Variants in PIEZO2 observed in about 807,000 individuals in gnomAD.
PIEZO2 encodes piezo-type mechanosensitive ion channel component 2.
Under a neutral mutation model 337.3 loss-of-function variants are expected in PIEZO2, and 172 were observed. The observed-to-expected ratio is 0.51, with a 90% CI of 0.45 to 0.58. The LOEUF (loss-of-function observed/expected upper bound fraction) is 0.58. PIEZO2 is among the 20% of genes least tolerant of loss of function. The pLI, the probability that PIEZO2 is intolerant of heterozygous loss-of-function variation, is 0.00. For synonymous variants in PIEZO2, 1,251 were observed against 1,228.5 expected (o/e 1.02, Z -0.38); for missense variants, 3,028 against 3,391.3 (o/e 0.89, Z 2.66).
intron 1 of PIEZO2, among the ~76,000 whole-genome samples, chr18:11,098,708 G>A (rs1026857238): frequency 7.9e-5 from 12 of 151,542 alleles, no homozygotes; most frequent in Admixed American, 4.6e-4. Flanking sequence ...TTATGACAGC[G>A]TGCCTTTTTA....
chr18:11,037,382 T>C (rs758363048), intron 2 of PIEZO2, among the ~76,000 whole-genome samples: 1 of 152,196 alleles, frequency 6.6e-6, no homozygotes, highest in Non-Finnish European at 1.5e-5. Context: ...TGTTAATGTA[T>C]TGGTCAGTTT....
chr18:10,682,818 T>C lies in PIEZO2; in HGVS notation c.7498-526A>G, dbSNP rs997040071. On this transcript the variant is annotated intron_variant, in intron 49 of 55. Coordinates refer to ENST00000674853, the MANE Select transcript of PIEZO2 (RefSeq NM_001378183.1). The surrounding 1 kb of genome is among the most constrained non-coding windows in gnomAD (Gnocchi z 5.6). Reference sequence around the variant, plus strand: ...GACACCTAAGGTAAGATTTGTATGATTAGAAGAGCCCCCTCTGGGCACTGG... The same window carrying C: ...GACACCTAAGGTAAGATTTGTATGACTAGAAGAGCCCCCTCTGGGCACTGG... 1.4e-5 allele frequency among the ~76,000 whole-genome samples: 2 copies of C among 147,438 alleles called. No homozygotes were observed. Among genetic ancestry groups the C allele is most frequent in the Non-Finnish European group, 3.0e-5 (2 of 66,248 alleles).
At position 11,032,965 on chromosome 18, in the gene PIEZO2, G is replaced by A. The variant is rs2036795044; in HGVS notation, c.160+33162C>T. ...TAGCACTGGACTCACAGTCAAGGTA[G>A]ATGAGAAATGAGTGAGGTTGGCTTC... On this transcript the variant is annotated intron_variant, in intron 2 of 55. Coordinates refer to ENST00000674853, the MANE Select transcript of PIEZO2 (RefSeq NM_001378183.1). The surrounding 1 kb of genome is among the most constrained non-coding windows in gnomAD (Gnocchi z 4.9). Among the ~76,000 whole-genome samples the A allele has an allele frequency of 6.6e-6, 1 of 152,188 alleles. No individual in the cohort carries two copies. The highest frequency in any genetic ancestry group is 2.1e-4 in the South Asian group (1 of 4,828).
intron 7 of PIEZO2, among the ~76,000 whole-genome samples, chr18:10,839,833 G>A (rs1444456558): frequency 6.6e-6 from 1 of 152,170 alleles, no homozygotes; most frequent in African/African-American, 2.4e-5. Context: ...TTTTGGAGGT[G>A]TGCTGTAACG....
intron 2 of PIEZO2, among the ~76,000 whole-genome samples, chr18:11,059,300 A>G (rs1200651322): frequency 1.3e-5 from 2 of 152,262 alleles, no homozygotes; most frequent in South Asian, 2.1e-4. Context: ...CACTGCAAAA[A>G]CATGCCAAAT....
intron 3 of PIEZO2, among the ~76,000 whole-genome samples, chr18:10,914,606 T>A (rs1409649430): frequency 3.9e-5 from 6 of 152,206 alleles, no homozygotes; most frequent in African/African-American, 1.2e-4. Context: ...CTTTTTCAAA[T>A]AATTTCGATC....
rs116974429 is a variant in PIEZO2, at chr18:11,107,763, G to A, written c.64+40762C>T. On this transcript the variant is annotated intron_variant, in intron 1 of 55. Coordinates refer to ENST00000674853, the MANE Select transcript of PIEZO2 (RefSeq NM_001378183.1). Reference sequence around the variant, plus strand: ...TCATAAGGTAATTTTACATTAGGACGACAGGGTTGGAAGTATGATTTAATT... The same window carrying A: ...TCATAAGGTAATTTTACATTAGGACAACAGGGTTGGAAGTATGATTTAATT... Among the ~76,000 whole-genome samples the A allele has an allele frequency of 9.1e-4, 139 of 152,258 alleles. 1 individual carries two copies. In the East Asian group the frequency reaches 0.017, roughly 19 times the overall value.
chr18:11,096,854 A>AG lies in PIEZO2; in HGVS notation c.65-30633dup, dbSNP rs947636113. Among the ~76,000 whole-genome samples, 3 of 152,170 alleles carry AG rather than the reference A, an allele frequency of 2.0e-5. No homozygotes were observed. The highest frequency in any genetic ancestry group is 4.4e-5 in the Non-Finnish European group (3 of 68,024). On this transcript the variant is annotated intron_variant, in intron 1 of 55. Transcript: ENST00000674853. The surrounding 1 kb of genome is among the most constrained non-coding windows in gnomAD (Gnocchi z 4.6). ...GCAAAATGGGAACAACATGGACTTCAGGGGGGTGGTACCACAGTGGCAGAG... is the reference window on the plus strand; with the variant it reads ...GCAAAATGGGAACAACATGGACTTCAGGGGGGGTGGTACCACAGTGGCAGAG...
intron 40 of PIEZO2, among the ~76,000 whole-genome samples, chr18:10,706,465 T>C (rs1175683497): frequency 6.6e-6 from 1 of 152,156 alleles, no homozygotes; most frequent in Non-Finnish European, 1.5e-5. Context: ...CAAGCTCTCC[T>C]TGGCCCTTCT....
chr18:11,139,205 A>C (rs1283647251), intron 1 of PIEZO2, among the ~76,000 whole-genome samples: 1 of 152,196 alleles, frequency 6.6e-6, no homozygotes, highest in East Asian at 1.9e-4. Flanking sequence ...CAGATGAAAT[A>C]TCTCAAAAAC....
At chr18:10,965,142 C>T (rs548098578) in intron 3 of PIEZO2, among the ~76,000 whole-genome samples, 3 of 151,996 alleles carry the variant, frequency 2.0e-5, no homozygotes, top group Non-Finnish European at 4.4e-5. Context: ...GTTTTCAATT[C>T]TTTTATGGCT....
In PIEZO2 at chr18:10,988,779, C is replaced by T. The variant is rs2034978344; in HGVS notation, c.161-9119G>A. ...AAGAAGGAAATCATGCCATTTGCAA[C>T]AATATGACTAGACATGGAGGGAGGG... On this transcript the variant is annotated intron_variant, in intron 2 of 55. Coordinates refer to ENST00000674853, the MANE Select transcript of PIEZO2 (RefSeq NM_001378183.1). The surrounding 1 kb of genome is among the most constrained non-coding windows in gnomAD (Gnocchi z 4.8). 6.6e-6 allele frequency among the ~76,000 whole-genome samples: 1 copy of T among 152,034 alleles called. No individual in the cohort carries two copies. The highest frequency in any genetic ancestry group is 1.5e-5 in the Non-Finnish European group (1 of 67,998).
chr18:10,737,294 A>AAAAAC (rs1555634859), intron 33 of PIEZO2, among the ~76,000 whole-genome samples: 1 of 146,124 alleles, frequency 6.8e-6, no homozygotes, highest in African/African-American at 2.8e-5. Flanking sequence ...TGAAAAAAAA[A>AAAAAC]AAACAAAAAA....
rs2042831796 is a variant in PIEZO2, at chr18:10,894,199, T to A, written c.329+16987A>T. On this transcript the variant is annotated intron_variant, in intron 4 of 55. Coordinates refer to ENST00000674853, the MANE Select transcript of PIEZO2 (RefSeq NM_001378183.1). This position sits in a 1 kb window ranked among gnomAD's most constrained non-coding sequence, Gnocchi z 4.1. ...CAAGTGCGGTGGCTCACACCTGTAATCCCAGCACTCTGGAAGGCCGATGGG... is the reference window on the plus strand; with the variant it reads ...CAAGTGCGGTGGCTCACACCTGTAAACCCAGCACTCTGGAAGGCCGATGGG... Among the ~76,000 whole-genome samples the A allele has an allele frequency of 6.6e-6, 1 of 151,994 alleles. No homozygotes were observed. The highest frequency in any genetic ancestry group is 2.1e-4 in the South Asian group (1 of 4,822).
At chr18:10,720,826 G>T (rs2036280211) in intron 36 of PIEZO2, among the ~76,000 whole-genome samples, 1 of 151,884 alleles carries the variant, frequency 6.6e-6, no homozygotes, top group African/African-American at 2.4e-5. Flanking sequence ...CTTATTTTCT[G>T]CCATCCTCTT....
chr18:10,701,539 T>C (rs956458842), intron 43 of PIEZO2, among the ~76,000 whole-genome samples: 4 of 152,226 alleles, frequency 2.6e-5, no homozygotes, highest in African/African-American at 9.6e-5. Flanking sequence ...AAAGCAGTAC[T>C]ACTAGAAGAA....
rs942140756 is a variant in PIEZO2, at chr18:10,847,134, G to C, written c.917+8219C>G. On this transcript the variant is annotated intron_variant, in intron 7 of 55. Transcript: ENST00000674853. The surrounding 1 kb of genome is among the most constrained non-coding windows in gnomAD (Gnocchi z 5.7). ...CAATCTCGAGCCCGTGGACTCCAGG[G>C]AATGAGCTGTTGAGCATTAGCAGAA... Among the ~76,000 whole-genome samples the C allele has an allele frequency of 1.3e-5, 2 of 152,188 alleles. No homozygotes were observed. The highest frequency in any genetic ancestry group is 2.9e-5 in the Non-Finnish European group (2 of 68,032).
intron 3 of PIEZO2, among the ~76,000 whole-genome samples, chr18:10,933,071 A>C (rs532404745): frequency 2.0e-5 from 3 of 152,338 alleles, no homozygotes; most frequent in African/African-American, 7.2e-5. Flanking sequence ...CCCTGGAGGC[A>C]AAGAACCCTA....
At chr18:11,055,770 A>G (rs1161883958) in intron 2 of PIEZO2, among the ~76,000 whole-genome samples, 2 of 152,218 alleles carry the variant, frequency 1.3e-5, no homozygotes. Flanking sequence ...AGGTCAAGTC[A>G]GTTGCAGGCT....
Sources: gnomAD v4.1 joint callset for allele counts (sites outside exome capture counted in the v4.1 genomes callset) on GRCh38, gnomAD v4.1.1 for gene constraint, Gnocchi (gnomAD v3.1) non-coding constraint, MANE v1.5 for transcripts, NCBI Gene and HGNC (gene_info 2026-07-23, HGNC 2026-07-21) for gene names.